The following CNTN3 variants were observed in gnomAD, a reference collection of about 807,000 sequenced individuals.
CNTN3 encodes contactin 3.
Under a neutral mutation model 119.1 loss-of-function variants are expected in CNTN3, and 60 were observed. That is an observed-to-expected ratio of 0.50 (90% CI 0.41 to 0.62). The LOEUF is 0.62. Ranked by LOEUF, CNTN3 falls within the 20% of genes least tolerant of loss-of-function variation. The pLI, the probability that CNTN3 is intolerant of heterozygous loss-of-function variation, is 0.00. For missense variants in CNTN3, 1,101 were observed against 1,242.4 expected (o/e 0.89, Z 1.71); for synonymous variants, 450 against 438.7 (o/e 1.03, Z -0.32).
At chr3:74,549,011 C>A (rs1219020402) in intron 1 of CNTN3, among the ~76,000 whole-genome samples, 1 of 152,112 alleles carries the variant, frequency 6.6e-6, no homozygotes, top group East Asian at 1.9e-4. Context: ...CACATTGGTC[C>A]ATTATATGAA....
intron 13 of CNTN3, among the ~76,000 whole-genome samples, chr3:74,317,681 C>A (rs1358774025): frequency 6.6e-6 from 1 of 152,176 alleles, no homozygotes; most frequent in Non-Finnish European, 1.5e-5. Flanking sequence ...TATCTTCTGG[C>A]TTGTAGAGTT....
At chr3:74,264,541 C>T in intron 22 of CNTN3, 40 bp from the exon 23 acceptor site, 1 of 1,337,232 alleles carries the variant, frequency 7.5e-7, no homozygotes, top group East Asian at 2.3e-5. Context: ...AAGGATTGTA[C>T]CAATATGTAA....
intron 1 of CNTN3, among the ~76,000 whole-genome samples, chr3:74,614,140 T>C (rs1405875348): frequency 6.6e-6 from 1 of 152,138 alleles, no homozygotes; most frequent in Non-Finnish European, 1.5e-5. Context: ...TACCACTCAA[T>C]TTTCAGCGCT....
chr3:74,603,181 T>C (rs1288998397), intron 1 of CNTN3, among the ~76,000 whole-genome samples: 2 of 152,168 alleles, frequency 1.3e-5, no homozygotes, highest in East Asian at 1.9e-4. Context: ...CCAGTCTTTG[T>C]GCTTTTGCAA....
At chr3:74,421,867 G>A (rs1052351599) in intron 5 of CNTN3, among the ~76,000 whole-genome samples, 6 of 152,186 alleles carry the variant, frequency 3.9e-5, no homozygotes, top group Non-Finnish European at 8.8e-5. Context: ...AAGTCAAAAA[G>A]GTGATGAAGC....
At chr3:74,328,906 T>TA (rs1160173822) in intron 13 of CNTN3, among the ~76,000 whole-genome samples, 1 of 152,194 alleles carries the variant, frequency 6.6e-6, no homozygotes, top group East Asian at 1.9e-4. Flanking sequence ...TCTTAATAGT[T>TA]ATTTCAAGTC....
At chr3:74,281,465 G>C (rs1195184667) in intron 20 of CNTN3, among the ~76,000 whole-genome samples, 4 of 152,070 alleles carry the variant, frequency 2.6e-5, no homozygotes, top group Admixed American at 2.6e-4. Context: ...CTCCTGAGTA[G>C]CTGGGAGTAC....
At chr3:74,584,694 AC>A (rs1704565683) in intron 1 of CNTN3, among the ~76,000 whole-genome samples, 2 of 152,186 alleles carry the variant, frequency 1.3e-5, no homozygotes, top group African/African-American at 4.8e-5. Context: ...ATCTTGTTTC[AC>A]ATAAGGTCTG....
intron 1 of CNTN3, among the ~76,000 whole-genome samples, chr3:74,591,066 T>C (rs2106686701): frequency 6.6e-6 from 1 of 152,152 alleles, no homozygotes; most frequent in Middle Eastern, 3.4e-3. Flanking sequence ...ATTGGCAACC[T>C]CATCTTAGAT....
At chr3:74,448,801 T>C (rs1702094230) in intron 4 of CNTN3, among the ~76,000 whole-genome samples, 1 of 152,154 alleles carries the variant, frequency 6.6e-6, no homozygotes, top group Non-Finnish European at 1.5e-5. Context: ...ACTATTTTTC[T>C]ATATCCTTTG....
chr3:74,400,865 T>A (rs1168872707), intron 5 of CNTN3, among the ~76,000 whole-genome samples: 1 of 152,180 alleles, frequency 6.6e-6, no homozygotes, highest in African/African-American at 2.4e-5. Context: ...ACTTTAAGGA[T>A]TGATTTGCAC....
At chr3:74,470,688 A>C (rs1702543634) in intron 4 of CNTN3, among the ~76,000 whole-genome samples, 1 of 152,200 alleles carries the variant, frequency 6.6e-6, no homozygotes, top group Non-Finnish European at 1.5e-5. Flanking sequence ...GGTTACTTGC[A>C]GAGGATGTCA....
Position 74,295,136 on chromosome 3 carries a change from A to G in CNTN3, c.2502T>C (p.His834=), listed in dbSNP as rs575064403. The stretch of plus-strand genomic sequence containing the variant: ...AAGAAATTACCTCATAGCCCAGTAA[A>G]TGTCCATTGCTCAACTTCCAAGGAA... ...NTIPWKLSNG[H]LLGYEVRYWN... The change falls in exon 19 of 23, where the codon CAT becomes CAC. Residue 834 remains histidine (H), a synonymous_variant. Coordinates refer to ENST00000263665, the MANE Select transcript of CNTN3 (RefSeq NM_020872.3). 1.9e-6 allele frequency: 3 copies of G among 1,607,484 alleles called. No individual in the cohort carries two copies. Among genetic ancestry groups the G allele is most frequent in the African/African-American group, 2.7e-5 (2 of 74,932 alleles).
intron 2 of CNTN3, among the ~76,000 whole-genome samples, chr3:74,507,879 G>C (rs1308904424): frequency 6.6e-6 from 1 of 151,722 alleles, no homozygotes; most frequent in Non-Finnish European, 1.5e-5. Flanking sequence ...CAATCCATTC[G>C]CCTCGGCCTC....
chr3:74,612,330 C>T (rs746488641), intron 1 of CNTN3, among the ~76,000 whole-genome samples: 89 of 152,328 alleles, frequency 5.8e-4, no homozygotes, highest in Admixed American at 1.6e-3. Context: ...TTGTTGTCCA[C>T]GGCTAATCTT....
intron 20 of CNTN3, among the ~76,000 whole-genome samples, chr3:74,269,883 T>G (rs1008650978): frequency 1.3e-5 from 2 of 152,144 alleles, no homozygotes; most frequent in East Asian, 3.9e-4. Context: ...GAGAATTGCT[T>G]AATGAGTACA....
Position 74,365,779 on chromosome 3 carries a change from T to G in CNTN3, c.947-77A>C. On this transcript the variant is annotated intron_variant, in intron 8 of 22. Coordinates refer to ENST00000263665, the MANE Select transcript of CNTN3 (RefSeq NM_020872.3). ...AAAATGTATTTATTATTTTATTATC[T>G]TACCTGGATTAATAGAAATGGACAT... The G allele has an allele frequency of 2.0e-6, 3 of 1,466,574 alleles. No individual in the cohort carries two copies. In the African/African-American group the frequency reaches 4.3e-5, roughly 21 times the overall value. The allele number at this position is 1,466,574 out of a possible 1,614,324, so 90.8% of individuals were successfully genotyped here.
intron 13 of CNTN3, among the ~76,000 whole-genome samples, chr3:74,306,297 A>C (rs1455717561): frequency 6.6e-6 from 1 of 151,904 alleles, no homozygotes; most frequent in Non-Finnish European, 1.5e-5. Context: ...CATATTTATA[A>C]ATAAACTTGC....
At chr3:74,456,487 G>T (rs1376385085) in intron 4 of CNTN3, among the ~76,000 whole-genome samples, 1 of 151,990 alleles carries the variant, frequency 6.6e-6, no homozygotes, top group Non-Finnish European at 1.5e-5. Context: ...AAAATGATGT[G>T]TTTATTTTGG....
Sources: gnomAD v4.1 joint callset for allele counts (sites outside exome capture counted in the v4.1 genomes callset) on GRCh38, gnomAD v4.1.1 for gene constraint, MANE v1.5 for transcripts, NCBI Gene and HGNC (gene_info 2026-07-23, HGNC 2026-07-21) for gene names.